Variants in MAF observed in about 807,000 individuals in gnomAD.
MAF encodes MAF bZIP transcription factor.
A neutral mutation model predicts 22.0 loss-of-function variants in MAF; 10 were observed. That is an observed-to-expected ratio of 0.45 (90% CI 0.28 to 0.77). The LOEUF (loss-of-function observed/expected upper bound fraction) is 0.77, where lower values mean the gene tolerates loss of function less well. Among genes scored for constraint, MAF ranks in the 30% least tolerant of loss-of-function variants. The pLI is 0.12. For synonymous variants in MAF, 337 were observed against 255.8 expected, an observed-to-expected ratio of 1.32 and a Z score of -3.03; for missense variants, 544 against 548.4, an observed-to-expected ratio of 0.99 and a Z score of 0.08.
At chr16:79,412,338 T>C in the MAF span, among the ~76,000 whole-genome samples, 3 of 152,302 alleles carry the variant, frequency 2.0e-5, no homozygotes, top group East Asian at 5.8e-4. Flanking sequence ...TAAGCCACCA[T>C]GTGGAGGTGT....
the MAF span, among the ~76,000 whole-genome samples, chr16:79,219,149 G>A: frequency 5.3e-5 from 8 of 152,138 alleles, no homozygotes; most frequent in Non-Finnish European, 8.8e-5. Context: ...ACAGAGTTAC[G>A]CAAATAGAGG....
At chr16:79,581,796 A>G (rs1000557322), downstream of MAF, among the ~76,000 whole-genome samples, 2 of 151,956 alleles carry the variant, frequency 1.3e-5, no homozygotes, top group African/African-American at 4.8e-5. Flanking sequence ...TGTACAATGC[A>G]CCCCTGGATT....
chr16:79,419,743 C>G, the MAF span, among the ~76,000 whole-genome samples: 2 of 152,112 alleles, frequency 1.3e-5, no homozygotes, highest in Non-Finnish European at 2.9e-5. Flanking sequence ...CACCTTGGCA[C>G]GAGGAAGAAA....
the MAF span, among the ~76,000 whole-genome samples, chr16:79,570,875 C>G: frequency 6.6e-6 from 1 of 152,136 alleles, no homozygotes; most frequent in Non-Finnish European, 1.5e-5. Context: ...AAATGCTGAG[C>G]GTAAGGAGGA....
chr16:79,600,030 G>T lies in MAF; in HGVS notation c.-128C>A, dbSNP rs1327360216. On this transcript the variant is annotated 5_prime_UTR_variant, in exon 1 of 2. Transcript: ENST00000326043. ...GGGCTGGGGCGCTTCTAGCTTGCGC[G>T]GCGGTGGCTGGCCCGAAACCTCCGA... 30 of 1,328,464 alleles carry T rather than the reference G, an allele frequency of 2.3e-5. No individual in the cohort carries two copies. Among genetic ancestry groups the T allele is most frequent in the African/African-American group, 1.3e-4 (9 of 68,862 alleles). 82.3% of individuals were successfully genotyped at this position (1,328,464 alleles called of 1,614,324 possible). A position where few individuals can be genotyped will look rare whatever the true frequency, so the allele number is the denominator to read the frequency against.
the MAF span, among the ~76,000 whole-genome samples, chr16:79,285,009 C>CA: frequency 6.6e-6 from 1 of 152,204 alleles, no homozygotes; most frequent in South Asian, 2.1e-4. Flanking sequence ...CATGTATATG[C>CA]AAATTTGCCA....
chr16:79,401,683 A>G, the MAF span, among the ~76,000 whole-genome samples: 2 of 152,168 alleles, frequency 1.3e-5, no homozygotes, highest in East Asian at 3.8e-4. Context: ...TGATAATAAT[A>G]ATAATCAATG....
the MAF span, among the ~76,000 whole-genome samples, chr16:79,548,962 A>G: frequency 1.3e-5 from 2 of 152,186 alleles, no homozygotes; most frequent in Non-Finnish European, 2.9e-5. Context: ...GGATGATGAC[A>G]TCTTCTACAT....
the MAF span, among the ~76,000 whole-genome samples, chr16:79,350,679 A>G: frequency 8.7e-4 from 133 of 152,282 alleles, no homozygotes; most frequent in African/African-American, 3.1e-3. Context: ...GGGCAGAGCC[A>G]CAAGATAGAA....
the MAF span, among the ~76,000 whole-genome samples, chr16:79,370,667 C>A: frequency 6.6e-6 from 1 of 152,214 alleles, no homozygotes; most frequent in Non-Finnish European, 1.5e-5. Flanking sequence ...TGTAATCCAT[C>A]AGTGAGTTCT....
chr16:79,562,834 C>G, the MAF span, among the ~76,000 whole-genome samples: 17 of 152,134 alleles, frequency 1.1e-4, no homozygotes, highest in African/African-American at 3.1e-4. Flanking sequence ...GTTATGAGAC[C>G]GTCATACTTG....
At chr16:79,473,393 T>A in the MAF span, among the ~76,000 whole-genome samples, 1 of 152,098 alleles carries the variant, frequency 6.6e-6, no homozygotes, top group South Asian at 2.1e-4. Flanking sequence ...CCTAGAGGAG[T>A]GGGGCTACCT....
chr16:79,489,757 C>T, the MAF span, among the ~76,000 whole-genome samples: 2 of 152,206 alleles, frequency 1.3e-5, no homozygotes, highest in African/African-American at 2.4e-5. Context: ...AAGTGTTCTG[C>T]TCTGACAAAA....
the MAF span, among the ~76,000 whole-genome samples, chr16:79,219,347 C>A: frequency 2.0e-5 from 3 of 152,012 alleles, no homozygotes; most frequent in Non-Finnish European, 4.4e-5. Flanking sequence ...TACCAAAACG[C>A]CTATCTGAAA....
chr16:79,573,923 T>G, the MAF span, among the ~76,000 whole-genome samples: 417 of 152,332 alleles, frequency 2.7e-3, 5 homozygotes, highest in African/African-American at 9.2e-3. Context: ...TTTCACAAAC[T>G]TTTACCAGGC....
At chr16:79,543,133 G>C in the MAF span, among the ~76,000 whole-genome samples, 2 of 152,340 alleles carry the variant, frequency 1.3e-5, no homozygotes, top group East Asian at 3.9e-4. Flanking sequence ...AACATTCGTG[G>C]TAACATCATG....
chr16:79,217,686 C>T, the MAF span, among the ~76,000 whole-genome samples: 1 of 152,168 alleles, frequency 6.6e-6, no homozygotes, highest in Non-Finnish European at 1.5e-5. Flanking sequence ...AAGTCCCTCT[C>T]TCTCCCTAAG....
chr16:79,252,779 C>T, the MAF span, among the ~76,000 whole-genome samples: 3 of 152,134 alleles, frequency 2.0e-5, no homozygotes, highest in Non-Finnish European at 2.9e-5. Context: ...TGTGAGTCAC[C>T]GTGCCCGGCC....
At chr16:79,497,632 G>A in the MAF span, among the ~76,000 whole-genome samples, 1 of 152,224 alleles carries the variant, frequency 6.6e-6, no homozygotes, top group Admixed American at 6.5e-5. Flanking sequence ...GGAATCTGGT[G>A]AGGTCTAGAC....
Sources: allele counts gnomAD v4.1 joint callset (sites outside exome capture counted in the v4.1 genomes callset), GRCh38; gene constraint gnomAD v4.1.1; transcripts MANE v1.5; gene names NCBI Gene and HGNC (gene_info 2026-07-23, HGNC 2026-07-21).